THADA: variants seen among roughly 807,000 people sequenced by gnomAD.
THADA encodes tRNA (32-2'-O)-methyltransferase regulator THADA.
A neutral mutation model predicts 219.8 loss-of-function variants in THADA; 213 were observed. The observed-to-expected ratio is 0.97, with a 90% CI of 0.87 to 1.09. The LOEUF is 1.09. Ranked by LOEUF, THADA falls within the 50% of genes least tolerant of loss-of-function variation. The pLI, the probability that THADA is intolerant of heterozygous loss-of-function variation, is 0.00. For synonymous variants in THADA, 1,018 were observed against 828.9 expected (o/e 1.23, Z -3.92); for missense variants, 2,956 against 2,311.3 (o/e 1.28, Z -5.72).
Position 43,588,148 on chromosome 2 carries a change from T to C in THADA, c.303-1146A>G, listed in dbSNP as rs1701196309. Among the ~76,000 whole-genome samples, 3 of 152,082 alleles carry C rather than the reference T, an allele frequency of 2.0e-5. No individual in the cohort carries two copies. In the South Asian group the frequency reaches 6.2e-4, roughly 31 times the overall value. On this transcript the variant is annotated intron_variant, in intron 4 of 37. Transcript: ENST00000405975. ...GTATATATGTGAACATATAACACAA[T>C]AAGGTGGCATTCCAAATATGTGGGC...
chr2:43,594,570 GC>G (rs1170433550), intron 1 of THADA, among the ~76,000 whole-genome samples: 3 of 148,488 alleles, frequency 2.0e-5, no homozygotes, highest in African/African-American at 7.6e-5. Flanking sequence ...GGAGACAAGA[GC>G]GAAACTCCAT....
chr2:43,443,639 G>A (rs1681136326), intron 26 of THADA, among the ~76,000 whole-genome samples: 1 of 152,074 alleles, frequency 6.6e-6, no homozygotes, highest in Admixed American at 6.5e-5. Flanking sequence ...AAGCTCCTAG[G>A]AAGAAAAAAG....
At chr2:43,498,692 TG>T in intron 25 of THADA, 140 bp downstream of exon 25, 1 of 955,710 alleles carries the variant, frequency 1.0e-6, no homozygotes, top group Non-Finnish European at 1.5e-6. Context: ...GAATCAAAAA[TG>T]TAGCTTGATC....
intron 4 of THADA, among the ~76,000 whole-genome samples, chr2:43,589,292 T>C (rs868064022): frequency 3.3e-5 from 5 of 152,140 alleles, no homozygotes; most frequent in African/African-American, 1.2e-4. Flanking sequence ...TTAAGCCTTA[T>C]AAGAGAAGAA....
chr2:43,546,819 T>C (rs1696090803), intron 20 of THADA, among the ~76,000 whole-genome samples: 1 of 152,246 alleles, frequency 6.6e-6, no homozygotes, highest in South Asian at 2.1e-4. Context: ...CTTGACTCTT[T>C]TATCCAATTT....
chr2:43,436,609 G>A (rs1680150509), intron 26 of THADA, among the ~76,000 whole-genome samples: 1 of 152,188 alleles, frequency 6.6e-6, no homozygotes, highest in African/African-American at 2.4e-5. Flanking sequence ...AGGGACAGCT[G>A]AATGCCACTC....
intron 29 of THADA, among the ~76,000 whole-genome samples, chr2:43,386,369 T>C (rs1297781718): frequency 2.0e-5 from 3 of 152,140 alleles, no homozygotes; most frequent in African/African-American, 4.8e-5. Flanking sequence ...AGAGCCTTCA[T>C]TTTAATATAA....
At chr2:43,480,480 A>C (rs944057128) in intron 26 of THADA, among the ~76,000 whole-genome samples, 12 of 152,088 alleles carry the variant, frequency 7.9e-5, no homozygotes, top group Non-Finnish European at 1.5e-4. Flanking sequence ...AAACATAATA[A>C]ATGCTTGTTC....
intron 32 of THADA, among the ~76,000 whole-genome samples, chr2:43,292,585 T>C (rs1434677517): frequency 2.0e-5 from 3 of 152,256 alleles, no homozygotes; most frequent in African/African-American, 7.2e-5. Context: ...CCAAAGTGGT[T>C]TGCTCTGTCT....
chr2:43,567,079 C>G (rs532992466), intron 14 of THADA, among the ~76,000 whole-genome samples: 11 of 142,852 alleles, frequency 7.7e-5, no homozygotes, highest in African/African-American at 2.9e-4. Context: ...CAGACAGATA[C>G]GTACACTTTT....
chr2:43,257,536 G>C (rs10188539), intron 36 of THADA, among the ~76,000 whole-genome samples: 40,962 of 152,054 alleles, frequency 0.27, 6,891 homozygotes, highest in African/African-American at 0.48. Flanking sequence ...CCCTTCACTC[G>C]ACCACCTCAG....
intron 20 of THADA, among the ~76,000 whole-genome samples, chr2:43,542,586 G>A (rs142441189): frequency 7.9e-4 from 120 of 152,280 alleles, no homozygotes; most frequent in African/African-American, 2.8e-3. Context: ...GTAAGAACTC[G>A]AATTCTGGAA....
intron 5 of THADA, 55 bp from the exon 6 acceptor site, chr2:43,586,789 AT>A: frequency 1.9e-6 from 3 of 1,610,704 alleles, no homozygotes; most frequent in Middle Eastern, 1.7e-4. Context: ...AATCAATGTC[AT>A]TTAAAAACTA....
intron 36 of THADA, among the ~76,000 whole-genome samples, chr2:43,271,445 G>C (rs1232503157): frequency 6.6e-6 from 1 of 152,086 alleles, no homozygotes; most frequent in African/African-American, 2.4e-5. Context: ...AGGTAGATCT[G>C]AAAAACACTA....
intron 25 of THADA, among the ~76,000 whole-genome samples, chr2:43,494,881 G>A (rs1445739716): frequency 6.6e-6 from 1 of 152,154 alleles, no homozygotes; most frequent in Non-Finnish European, 1.5e-5. Flanking sequence ...TAAGGAGTCT[G>A]TAAAAACAAA....
intron 36 of THADA, among the ~76,000 whole-genome samples, chr2:43,262,347 G>C (rs1355842083): frequency 2.0e-5 from 3 of 152,192 alleles, no homozygotes; most frequent in Admixed American, 6.5e-5. Context: ...GGATGAGCTA[G>C]CTAATGCTTC....
At chr2:43,283,287 G>A (rs1490459395) in intron 35 of THADA, among the ~76,000 whole-genome samples, 2 of 152,186 alleles carry the variant, frequency 1.3e-5, no homozygotes, top group African/African-American at 4.8e-5. Context: ...TTCTATATAG[G>A]AGTGTGAGAA....
intron 29 of THADA, among the ~76,000 whole-genome samples, chr2:43,389,412 G>C (rs986383964): frequency 7.9e-5 from 12 of 152,144 alleles, no homozygotes; most frequent in Admixed American, 3.3e-4. Context: ...TTGAGCCTAG[G>C]AGCTCAAGGC....
At chr2:43,237,589 C>T (rs534212731) in intron 36 of THADA, among the ~76,000 whole-genome samples, 20 of 151,126 alleles carry the variant, frequency 1.3e-4, no homozygotes, top group Middle Eastern at 3.4e-3. Flanking sequence ...TTAGTAGAGA[C>T]GGGGTTTCAC....
Sources: allele counts gnomAD v4.1 joint callset (sites outside exome capture counted in the v4.1 genomes callset), GRCh38; gene constraint gnomAD v4.1.1; transcripts MANE v1.5; gene names NCBI Gene and HGNC (gene_info 2026-07-23, HGNC 2026-07-21).